TRPV5: variants seen among roughly 807,000 people sequenced by gnomAD.
TRPV5 encodes transient receptor potential cation channel subfamily V member 5.
Under a neutral mutation model 74.1 loss-of-function variants are expected in TRPV5, and 66 were observed. The ratio of observed to expected loss-of-function variants is 0.89; its 90% CI spans 0.73 to 1.09. The LOEUF (loss-of-function observed/expected upper bound fraction) is 1.09, where lower values mean the gene tolerates loss of function less well. Ranked by LOEUF, TRPV5 falls within the 50% of genes least tolerant of loss-of-function variation. The probability of loss-of-function intolerance (pLI) is 0.00; values close to 1 mark genes in which losing one functional copy is unlikely to be tolerated. For synonymous variants in TRPV5, 399 were observed against 360.7 expected (o/e 1.11, Z -1.20); for missense variants, 936 against 930.4 (o/e 1.01, Z -0.08).
Position 142,908,711 on chromosome 7 carries a change from C to T in TRPV5, c.1993G>A (p.Glu665Lys). The T allele has an allele frequency of 6.2e-7, 1 of 1,614,220 alleles. No individual in the cohort carries two copies. The highest frequency in any genetic ancestry group is 8.5e-7 in the Non-Finnish European group (1 of 1,180,040). Reference sequence around the variant, plus strand: ...CTCTCAGCCCCAGAGGGCTGTTTCTCAGATGGATGCTCCTGGTCATCCTCC... The same window carrying T: ...CTCTCAGCCCCAGAGGGCTGTTTCTTAGATGGATGCTCCTGGTCATCCTCC... ...DKEDDQEHPS[E>K]KQPSGAESGT... The change falls in exon 15 of 15, where the codon GAG becomes AAG. Residue 665 changes from glutamate to lysine, a missense_variant. Physicochemically the swap from Glu to Lys is moderately conservative, Grantham distance 56. Transcript: ENST00000265310.
Position 142,933,698 on chromosome 7 carries a change from T to A in TRPV5, c.-239A>T. The A allele has an allele frequency of 1.9e-6, 1 of 536,016 alleles. No homozygotes were observed. The highest frequency in any genetic ancestry group is 2.6e-5 in the South Asian group (1 of 38,298). The allele number at this position is 536,016 out of a possible 1,614,324, so 33.2% of individuals were successfully genotyped here. On this transcript the variant is annotated 5_prime_UTR_variant, in exon 1 of 15. Coordinates refer to ENST00000265310, the MANE Select transcript of TRPV5 (RefSeq NM_019841.7). Reference sequence around the variant, plus strand: ...CTGTGGTGTATGTGTGTGCATGCAGTGTGTGGTTGTGAGGTGGTGTGTGTG... The same window carrying A: ...CTGTGGTGTATGTGTGTGCATGCAGAGTGTGGTTGTGAGGTGGTGTGTGTG...
chr7:142,918,221 GA>G (rs1795829292), intron 8 of TRPV5, among the ~76,000 whole-genome samples: 1 of 152,124 alleles, frequency 6.6e-6, no homozygotes, highest in African/African-American at 2.4e-5. Flanking sequence ...TTGCATTCAA[GA>G]TTTTTTTTTC....
rs553295325 is a variant in TRPV5, at chr7:142,925,203, T to C, written c.1122+326A>G. On this transcript the variant is annotated intron_variant, in intron 8 of 14. Transcript: ENST00000265310. ...GCACAATTTTCCTCCTTTTGAGCAA[T>C]AGAGTTTACCTTGAACATCCCACTA... 7.5e-6 allele frequency: 4 copies of C among 532,890 alleles called. No homozygotes were observed. In the South Asian group the frequency reaches 8.3e-5, roughly 11 times the overall value. The allele number at this position is 532,890 out of a possible 1,614,324, so 33.0% of individuals were successfully genotyped here.
intron 6 of TRPV5, 152 bp from the exon 7 acceptor site, chr7:142,928,386 G>A (rs1796024659): frequency 1.1e-6 from 1 of 937,792 alleles, no homozygotes; most frequent in African/African-American, 1.7e-5. Flanking sequence ...TCCCTTTTTT[G>A]TCATCTTTCC....
chr7:142,920,079 C>A (rs1313074354), intron 8 of TRPV5, among the ~76,000 whole-genome samples: 1 of 152,168 alleles, frequency 6.6e-6, no homozygotes, highest in Non-Finnish European at 1.5e-5. Flanking sequence ...CCAGGCCAAC[C>A]CTGGGTTAAT....
chr7:142,919,841 A>C (rs1388018259), intron 8 of TRPV5, among the ~76,000 whole-genome samples: 1 of 152,166 alleles, frequency 6.6e-6, no homozygotes, highest in Non-Finnish European at 1.5e-5. Context: ...AAGGATGGGG[A>C]ACATAGGCCA....
intron 14 of TRPV5, among the ~76,000 whole-genome samples, 160 bp downstream of exon 14, chr7:142,909,330 G>C (rs1300131216): frequency 6.6e-6 from 1 of 152,146 alleles, no homozygotes; most frequent in Non-Finnish European, 1.5e-5. Flanking sequence ...TTTACACGTG[G>C]CTGCCCTGAG....
intron 1 of TRPV5, among the ~76,000 whole-genome samples, chr7:142,932,265 G>A (rs974094693): frequency 2.0e-5 from 3 of 152,144 alleles, no homozygotes; most frequent in Non-Finnish European, 4.4e-5. Context: ...CCCCTCTGCA[G>A]AGGGTCCAAG....
chr7:142,932,641 T>C (rs1796115351), intron 1 of TRPV5, among the ~76,000 whole-genome samples: 1 of 152,156 alleles, frequency 6.6e-6, no homozygotes, highest in South Asian at 2.1e-4. Flanking sequence ...GATTCGTCCC[T>C]GCCCCAGCTG....
rs1795962423 is a variant in TRPV5 at position 142,925,232 on chromosome 7, A to G, written c.1122+297T>C. 3 of 568,828 alleles carry G rather than the reference A, an allele frequency of 5.3e-6. No individual in the cohort carries two copies. The South Asian group carries it at 7.2e-5, about 14-fold the overall frequency. The allele number at this position is 568,828 out of a possible 1,614,324, so 35.2% of individuals were successfully genotyped here. ...GTTTACCTTGAACATCCCACTAAAAAACCCTGATACTTTTTGTAAATTACC... is the reference window on the plus strand; with the variant it reads ...GTTTACCTTGAACATCCCACTAAAAGACCCTGATACTTTTTGTAAATTACC... On this transcript the variant is annotated intron_variant, in intron 8 of 14. Transcript: ENST00000265310.
At chr7:142,924,500 T>C (rs1210724753) in intron 8 of TRPV5, among the ~76,000 whole-genome samples, 2 of 151,402 alleles carry the variant, frequency 1.3e-5, no homozygotes, top group Non-Finnish European at 2.9e-5. Flanking sequence ...TCTCTGTGCA[T>C]ATCGCTGTCT....
rs1358907903 is a variant in TRPV5, at chr7:142,930,446, C to A, written c.129G>T (p.Arg43Ser). The change falls in exon 2 of 15, where the codon AGG (arginine) becomes AGT (serine). Residue 43 changes from arginine (R) to serine (S), a missense_variant and splice_region_variant. By Grantham distance (110) the Arg-to-Ser change is moderately radical (BLOSUM62 -1). Transcript: ENST00000265310. Reference protein sequence around the residue: ...LDKLHMLQQKRILESPLLRAS... With the variant: ...LDKLHMLQQKSILESPLLRAS... The stretch of plus-strand genomic sequence containing the variant: ...CTCGAAGCAGTGGAGACTCTAGAAT[C>A]CTGGGGAAAGGTGAACGTGAGTTTG... The A allele has an allele frequency of 6.2e-7, 1 of 1,613,036 alleles. No homozygotes were observed. Among genetic ancestry groups the A allele is most frequent in the African/African-American group, 1.3e-5 (1 of 74,904 alleles).
rs565678831 is a variant in TRPV5 at position 142,923,392 on chromosome 7, A to C, written c.1122+2137T>G. Among the ~76,000 whole-genome samples the C allele has an allele frequency of 2.0e-5, 3 of 152,352 alleles. No homozygotes were observed. In the South Asian group the frequency reaches 6.2e-4, roughly 32 times the overall value. On this transcript the variant is annotated intron_variant, in intron 8 of 14. Transcript: ENST00000265310. ...TCTTTCAAATCATGATGATAAGTTT[A>C]GGAGCCCCTGATCTAATCCAAATGG...
chr7:142,909,903 C>T (rs1343851532), intron 13 of TRPV5, among the ~76,000 whole-genome samples: 2 of 152,164 alleles, frequency 1.3e-5, no homozygotes, highest in African/African-American at 4.8e-5. Flanking sequence ...ATATAAAAGC[C>T]ACAGACCAAT....
intron 8 of TRPV5, among the ~76,000 whole-genome samples, chr7:142,924,609 A>G (rs1419204296): frequency 6.6e-6 from 1 of 151,900 alleles, no homozygotes; most frequent in African/African-American, 2.4e-5. Flanking sequence ...AGGCTGAGCT[A>G]TACCTATGGC....
chr7:142,933,265 G>T, intron 1 of TRPV5, 67 bp downstream of exon 1: 1 of 1,587,266 alleles, frequency 6.3e-7, no homozygotes. Flanking sequence ...TCGGAAAGCA[G>T]GCCCAGGTGG....
Position 142,908,609 on chromosome 7 carries a change from G to C in TRPV5, c.2095C>G (p.Arg699Gly), listed in dbSNP as rs762806939. 1.2e-6 allele frequency: 2 copies of C among 1,614,230 alleles called. No individual in the cohort carries two copies. The highest frequency in any genetic ancestry group is 1.3e-5 in the African/African-American group (1 of 75,054). Residue 699 changes from arginine (R) to glycine (G), a missense_variant, in exon 15 of 15, where the codon CGA becomes GGA. Arg to Gly is a moderately radical substitution (Grantham distance 125). Coordinates refer to ENST00000265310, the MANE Select transcript of TRPV5 (RefSeq NM_019841.7). ...TTTTGACGAAGGATCTCCCAGCCTCGGTGACTGCTGCTCTGGGACGCGGTC... is the reference window on the plus strand; with the variant it reads ...TTTTGACGAAGGATCTCCCAGCCTCCGTGACTGCTGCTCTGGGACGCGGTC... ...SRTASQSSSH[R>G]GWEILRQNTL...
intron 7 of TRPV5, 65 bp from the exon 8 acceptor site, chr7:142,925,806 G>T: frequency 7.0e-7 from 1 of 1,433,224 alleles, no homozygotes; most frequent in Non-Finnish European, 9.7e-7. Context: ...ATCCCACTGG[G>T]GGCCAGAAGA....
chr7:142,916,084 A>G (rs1795791954), intron 8 of TRPV5, among the ~76,000 whole-genome samples: 1 of 152,204 alleles, frequency 6.6e-6, no homozygotes, highest in African/African-American at 2.4e-5. Flanking sequence ...TCTGAACTTG[A>G]GTTTTCTCAT....
Sources: allele counts gnomAD v4.1 joint callset (sites outside exome capture counted in the v4.1 genomes callset), GRCh38; gene constraint gnomAD v4.1.1; transcripts MANE v1.5; gene names NCBI Gene and HGNC (gene_info 2026-07-23, HGNC 2026-07-21).